Variants in AHCTF1 observed in about 807,000 individuals in gnomAD.
AHCTF1 encodes the protein AT-hook containing transcription factor 1, also known as protein ELYS.
In AHCTF1, 24 loss-of-function variants were observed where a neutral mutation model predicts 248.4. The ratio of observed to expected loss-of-function variants is 0.10; its 90% CI spans 0.07 to 0.14. The LOEUF is 0.14. Ranked by LOEUF, AHCTF1 falls within the 10% of genes least tolerant of loss-of-function variation. The probability of loss-of-function intolerance (pLI) is 1.00; values close to 1 mark genes in which losing one functional copy is unlikely to be tolerated. For missense variants in AHCTF1, 2,206 were observed against 2,636.2 expected, an observed-to-expected ratio of 0.84 and a Z score of 3.57; for synonymous variants, 786 against 929.8, an observed-to-expected ratio of 0.85 and a Z score of 2.81.
chr1:246,920,269 T>C (rs1666444804), intron 1 of AHCTF1, among the ~76,000 whole-genome samples: 1 of 151,616 alleles, frequency 6.6e-6, no homozygotes, highest in Non-Finnish European at 1.5e-5. Context: ...TACCAGAGAT[T>C]AGAAAGTAAA....
intron 29 of AHCTF1, 146 bp from the exon 30 acceptor site, chr1:246,857,960 T>A (rs1394165130): frequency 2.1e-6 from 1 of 476,530 alleles, no homozygotes; most frequent in African/African-American, 8.8e-5. Context: ...GCTAACACTT[T>A]CTTCTTTTTT....
At chr1:246,858,036 T>C (rs1661231104) in intron 29 of AHCTF1, among the ~76,000 whole-genome samples, 1 of 151,746 alleles carries the variant, frequency 6.6e-6, no homozygotes, top group Non-Finnish European at 1.5e-5. Flanking sequence ...CTTGGCTCAC[T>C]GCAAGCTCTG....
chr1:246,861,370 A>G lies in AHCTF1; in HGVS notation c.3736-75T>C, dbSNP rs184154525. ...AGTCTAGTCCTAAGCTACCCATCCC[A>G]ATCATACCCATACTTTCTTTGTTGT... On this transcript the variant is annotated intron_variant, in intron 28 of 35. Coordinates refer to ENST00000648844, the MANE Select transcript of AHCTF1 (RefSeq NM_001323342.2). 7 of 1,263,684 alleles carry G rather than the reference A, an allele frequency of 5.5e-6. No individual in the cohort carries two copies. The East Asian group carries it at 1.8e-4, about 32-fold the overall frequency. The allele number at this position is 1,263,684 out of a possible 1,614,324, so 78.3% of individuals were successfully genotyped here. A position where few individuals can be genotyped will look rare whatever the true frequency, so the allele number is the denominator to read the frequency against.
At chr1:246,925,754 G>A (rs1483665577) in intron 1 of AHCTF1, among the ~76,000 whole-genome samples, 1 of 152,108 alleles carries the variant, frequency 6.6e-6, no homozygotes, top group Non-Finnish European at 1.5e-5. Context: ...GAATGGGTTG[G>A]TGTCCTCTCC....
chr1:246,904,449 G>A (rs1444023919), intron 6 of AHCTF1, among the ~76,000 whole-genome samples: 1 of 152,170 alleles, frequency 6.6e-6, no homozygotes, highest in African/African-American at 2.4e-5. Context: ...TTATCCCATA[G>A]TAACCTCACA....
chr1:246,857,320 G>A (rs1661176576), intron 30 of AHCTF1, among the ~76,000 whole-genome samples: 1 of 144,558 alleles, frequency 6.9e-6, no homozygotes, highest in Non-Finnish European at 1.5e-5. Context: ...AAATAAAACT[G>A]TCTGTCATCT....
chr1:246,921,080 GA>G (rs1170237428), intron 1 of AHCTF1, among the ~76,000 whole-genome samples: 11 of 152,034 alleles, frequency 7.2e-5, no homozygotes, highest in African/African-American at 2.7e-4. Context: ...CAACAAGAGT[GA>G]AACTCTGACA....
intron 27 of AHCTF1, 97 bp downstream of exon 27, chr1:246,863,827 A>T: frequency 8.2e-7 from 1 of 1,226,294 alleles, no homozygotes; most frequent in Non-Finnish European, 1.2e-6. Context: ...AGCACTCCCC[A>T]AGCGTATCAG....
In AHCTF1 at chr1:246,863,792, T is replaced by C. The variant is rs894308509; in HGVS notation, c.3540+132A>G. The C allele has an allele frequency of 6.8e-6, 6 of 879,176 alleles. No homozygotes were observed. The African/African-American group carries it at 1.0e-4, about 15-fold the overall frequency. The allele number at this position is 879,176 out of a possible 1,614,324, so 54.5% of individuals were successfully genotyped here. On this transcript the variant is annotated intron_variant, in intron 27 of 35. Transcript: ENST00000648844. ...TCCGTTTTTAGAAGATGTGAAAACA[T>C]AAAAGGATGCTTAAAGCATTTCCCA...
chr1:246,920,113 C>A (rs1483282371), intron 1 of AHCTF1, among the ~76,000 whole-genome samples: 1 of 130,958 alleles, frequency 7.6e-6, no homozygotes, highest in Non-Finnish European at 1.5e-5. Context: ...GCACTCCAGC[C>A]TGACGACACA....
At chr1:246,913,466 T>G in intron 3 of AHCTF1, 54 bp from the exon 4 acceptor site, 1 of 1,514,520 alleles carries the variant, frequency 6.6e-7, no homozygotes, top group Non-Finnish European at 9.0e-7. Context: ...GAAAATATAA[T>G]TAACACAATA....
At chr1:246,843,754 A>T in intron 34 of AHCTF1, 41 bp downstream of exon 34, 1 of 1,255,340 alleles carries the variant, frequency 8.0e-7, no homozygotes, top group Non-Finnish European at 1.0e-6. Context: ...AAAAAAAAGT[A>T]TGTTTTAACA....
At chr1:246,853,032 G>A in intron 32 of AHCTF1, 59 bp downstream of exon 32, 3 of 1,355,640 alleles carry the variant, frequency 2.2e-6, no homozygotes, top group East Asian at 4.9e-5. Flanking sequence ...ACTGTGTCTT[G>A]AAACAACTAA....
intron 31 of AHCTF1, among the ~76,000 whole-genome samples, chr1:246,853,879 T>C (rs936316692): frequency 1.1e-4 from 16 of 151,472 alleles, no homozygotes; most frequent in African/African-American, 3.9e-4. Flanking sequence ...AACATGTGGA[T>C]ACTAATAAAA....
intron 21 of AHCTF1, among the ~76,000 whole-genome samples, chr1:246,879,410 T>C (rs1663228964): frequency 6.6e-6 from 1 of 152,280 alleles, no homozygotes; most frequent in South Asian, 2.1e-4. Context: ...AGGGCAAACA[T>C]CCTTTCACCC....
intron 4 of AHCTF1, among the ~76,000 whole-genome samples, chr1:246,911,846 AG>A (rs201139530): frequency 0.024 from 3,722 of 152,188 alleles, 170 homozygotes; most frequent in African/African-American, 0.084. Context: ...AAATTTTTTC[AG>A]GTCTGATTTT....
chr1:246,927,070 C>T (rs1558287366), intron 1 of AHCTF1, among the ~76,000 whole-genome samples: 3 of 148,654 alleles, frequency 2.0e-5, no homozygotes, highest in African/African-American at 5.0e-5. Flanking sequence ...CCCAGGTACC[C>T]GGGAGGCTGA....
Position 246,854,115 on chromosome 1 carries a change from C to G in AHCTF1, c.4355-816G>C, listed in dbSNP as rs773351685. Among the ~76,000 whole-genome samples, 4 of 151,920 alleles carry G rather than the reference C, an allele frequency of 2.6e-5. No homozygotes were observed. The South Asian group carries it at 8.3e-4, about 32-fold the overall frequency. On this transcript the variant is annotated intron_variant, in intron 31 of 35. Coordinates refer to ENST00000648844, the MANE Select transcript of AHCTF1 (RefSeq NM_001323342.2). ...GAGATCGAGACCACCCTGGCTAACA[C>G]GGTGAAACCCTGTCTCCACTAAAAA... is the stretch of plus-strand genomic sequence containing the variant.
intron 29 of AHCTF1, 50 bp downstream of exon 29, chr1:246,860,849 T>A: frequency 6.4e-7 from 1 of 1,569,926 alleles, no homozygotes; most frequent in East Asian, 2.3e-5. Flanking sequence ...TTATAAACTT[T>A]ATTGAGGGAC....
Sources: gnomAD v4.1 joint callset for allele counts (sites outside exome capture counted in the v4.1 genomes callset) on GRCh38, gnomAD v4.1.1 for gene constraint, MANE v1.5 for transcripts, NCBI Gene and HGNC (gene_info 2026-07-23, HGNC 2026-07-21) for gene names.